The following POLDIP3 variants were observed in gnomAD, a reference collection of about 807,000 sequenced individuals.
POLDIP3 encodes DNA polymerase delta interacting protein 3, also known as polymerase delta-interacting protein 3.
Under a neutral mutation model 45.1 loss-of-function variants are expected in POLDIP3, and 14 were observed. The ratio of observed to expected loss-of-function variants is 0.31; its 90% CI spans 0.20 to 0.49. The LOEUF (loss-of-function observed/expected upper bound fraction) is 0.49. POLDIP3 is among the 20% of genes least tolerant of loss of function. The pLI is 0.99. For synonymous variants in POLDIP3, 223 were observed against 205.2 expected (o/e 1.09, Z -0.74); for missense variants, 511 against 538.8 (o/e 0.95, Z 0.51).
At chr22:42,587,638 G>A in intron 7 of POLDIP3, 66 bp from the exon 8 acceptor site, 3 of 1,441,042 alleles carry the variant, frequency 2.1e-6, no homozygotes, top group Admixed American at 1.7e-5. Flanking sequence ...AGAGGACAAG[G>A]GCTGTACCTC....
Position 42,608,720 on chromosome 22 carries a change from G to A in POLDIP3, c.60-5560C>T, listed in dbSNP as rs139781152. On this transcript the variant is annotated intron_variant, in intron 1 of 8. Coordinates refer to ENST00000252115, the MANE Select transcript of POLDIP3 (RefSeq NM_032311.5). Reference sequence around the variant, plus strand: ...TACCACAATGCCTGCCTGGCAGGAAGGACCACCAAGATGCTTTGTGCTGGC... The same window carrying A: ...TACCACAATGCCTGCCTGGCAGGAAAGACCACCAAGATGCTTTGTGCTGGC... Among the ~76,000 whole-genome samples, 1,050 of 152,168 alleles carry A rather than the reference G, an allele frequency of 6.9e-3. 12 individuals carry two copies. Among genetic ancestry groups the A allele is most frequent in the African/African-American group, 0.024 (1,014 of 41,530 alleles).
chr22:42,591,918 G>C (rs113297073), intron 7 of POLDIP3, 37 bp downstream of exon 7: 1 of 1,613,228 alleles, frequency 6.2e-7, no homozygotes, highest in Non-Finnish European at 8.5e-7. Flanking sequence ...GTAGAGATGA[G>C]TGGGAGGGTC....
chr22:42,613,981 G>A lies in POLDIP3; in HGVS notation c.59+818C>T, dbSNP rs150308198. ...TTAAGGGTCTAGGGGAAGTTTGGGAGACATGACTGCAAATCACCTCCATGG... is the reference window on the plus strand; with the variant it reads ...TTAAGGGTCTAGGGGAAGTTTGGGAAACATGACTGCAAATCACCTCCATGG... On this transcript the variant is annotated intron_variant, in intron 1 of 8. Coordinates refer to ENST00000252115, the MANE Select transcript of POLDIP3 (RefSeq NM_032311.5). 4.2e-3 allele frequency among the ~76,000 whole-genome samples: 636 copies of A among 152,292 alleles called. 3 individuals are homozygous for A. The highest frequency in any genetic ancestry group is 0.015 in the African/African-American group (619 of 41,556).
chr22:42,602,206 G>C (rs188308143), intron 2 of POLDIP3, 150 bp from the exon 3 acceptor site: 1 of 1,229,286 alleles, frequency 8.1e-7, no homozygotes, highest in African/African-American at 1.5e-5. Flanking sequence ...ACAGTAGGAA[G>C]TAACAGAAGA....
intron 2 of POLDIP3, 52 bp downstream of exon 2, chr22:42,602,718 T>C (rs1291537638): frequency 6.5e-7 from 1 of 1,539,300 alleles, no homozygotes; most frequent in Non-Finnish European, 8.7e-7. Context: ...TGCCTCTAAA[T>C]CTACCTTTGT....
intron 5 of POLDIP3, 57 bp downstream of exon 5, chr22:42,596,129 C>A: frequency 6.4e-7 from 1 of 1,555,500 alleles, no homozygotes; most frequent in Non-Finnish European, 8.8e-7. Context: ...CAATGAGGTA[C>A]ATATAAGCAT....
chr22:42,601,849 A>G (rs900398442), intron 3 of POLDIP3, 121 bp downstream of exon 3: 2 of 1,207,818 alleles, frequency 1.7e-6, no homozygotes, highest in Non-Finnish European at 2.3e-6. Flanking sequence ...CCAACTGGGA[A>G]CTACCAACTG....
intron 3 of POLDIP3, among the ~76,000 whole-genome samples, chr22:42,600,143 G>C (rs4822173): frequency 6.6e-6 from 1 of 152,084 alleles, no homozygotes; most frequent in South Asian, 2.1e-4. Context: ...CCTAGAAAGA[G>C]CTTTATTTAC....
At chr22:42,587,248 A>G (rs531725839) in intron 8 of POLDIP3, among the ~76,000 whole-genome samples, 3 of 152,304 alleles carry the variant, frequency 2.0e-5, no homozygotes, top group South Asian at 4.1e-4. Context: ...CTCCCCCTCC[A>G]ACTTCCACTC....
At position 42,587,330 on chromosome 22, in the gene POLDIP3, A is replaced by C. The variant is rs547240279; in HGVS notation, c.1088+176T>G. Reference sequence around the variant, plus strand: ...CCCTATAGGGTCAAGCCCTGGGGAAATAACAAAGCAAACCATTTTGGTCAA... The same window carrying C: ...CCCTATAGGGTCAAGCCCTGGGGAACTAACAAAGCAAACCATTTTGGTCAA... On this transcript the variant is annotated intron_variant, in intron 8 of 8. Coordinates refer to ENST00000252115, the MANE Select transcript of POLDIP3 (RefSeq NM_032311.5). 3.3e-5 allele frequency among the ~76,000 whole-genome samples: 5 copies of C among 152,344 alleles called. No homozygotes were observed. In the South Asian group the frequency reaches 1.0e-3, roughly 32 times the overall value.
rs113513063 is a variant in POLDIP3, at chr22:42,602,896, G to T, written c.324C>A (p.Pro108=). Residue 108 remains proline (P), a synonymous_variant, in exon 2 of 9, where the codon CCC becomes CCA. Transcript: ENST00000252115. The part of the protein sequence containing the change: ...LNSRKQQTTV[P]QKPRQVADAR... ...CATCAGCAACCTGGCGGGGCTTCTG[G>T]GGCACCGTGGTCTGCTGCTTGCGAG... is the stretch of plus-strand genomic sequence containing the variant. 0.01 allele frequency: 16,870 copies of T among 1,613,980 alleles called. 156 individuals are homozygous for T. Among genetic ancestry groups the T allele is most frequent in the Middle Eastern group, 0.02 (120 of 6,060 alleles).
At position 42,596,206 on chromosome 22, in the gene POLDIP3, T is replaced by TG. The variant is rs1452975548; in HGVS notation, c.792dup (p.Lys265GlnfsTer7). On this transcript the variant is annotated frameshift_variant, in exon 5 of 9. Transcript: ENST00000252115. LOFTEE classifies it high-confidence loss of function. ...CTCACCTCAGCAGCTGGCAGCTCTTTGGGGGGTTCTTCCTTGTTCACCAGT... is the reference window on the plus strand; with the variant it reads ...CTCACCTCAGCAGCTGGCAGCTCTTTGGGGGGGTTCTTCCTTGTTCACCAGT... 1 of 1,613,974 alleles carries TG rather than the reference T, an allele frequency of 6.2e-7. No individual in the cohort carries two copies. Among genetic ancestry groups the TG allele is most frequent in the African/African-American group, 1.3e-5 (1 of 74,916 alleles).
In POLDIP3 at chr22:42,584,863, G is replaced by A. The variant is rs748083755; in HGVS notation, c.*928C>T. On this transcript the variant is annotated 3_prime_UTR_variant, in exon 9 of 9. Transcript: ENST00000252115. ...AACTGAGGCCAGAAATGGAGAGCCA[G>A]GAACAAACTGACCTCTTCCATTCAA... 12 of 455,978 alleles carry A rather than the reference G, an allele frequency of 2.6e-5. No individual in the cohort carries two copies. Among genetic ancestry groups the A allele is most frequent in the Non-Finnish European group, 4.0e-5 (9 of 226,912 alleles). The allele number at this position is 455,978 out of a possible 1,614,324, so 28.2% of individuals were successfully genotyped here.
In POLDIP3 at chr22:42,587,554, T is replaced by C. The variant is rs200840342; in HGVS notation, c.1040A>G (p.Asn347Ser). 1.3e-4 allele frequency: 216 copies of C among 1,613,992 alleles called. 2 individuals carry two copies. The Middle Eastern group carries it at 5.1e-3, about 38-fold the overall frequency. The change falls in exon 8 of 9, where the codon AAC (asparagine) becomes AGC (serine). Residue 347 changes from asparagine (N) to serine (S), a missense_variant. Transcript: ENST00000252115. Reference protein sequence around the residue: ...RCLDGQPMKCNLHMNGNVITS... With the variant: ...RCLDGQPMKCSLHMNGNVITS... ...GATAACATTCCCATTCATGTGAAGGTTGCACTTCATCGGCTGCCCTGAAAA... is the reference window on the plus strand; with the variant it reads ...GATAACATTCCCATTCATGTGAAGGCTGCACTTCATCGGCTGCCCTGAAAA...
chr22:42,596,544 G>T (rs929540663), intron 4 of POLDIP3, among the ~76,000 whole-genome samples, 179 bp from the exon 5 acceptor site: 13 of 152,142 alleles, frequency 8.5e-5, no homozygotes, highest in Non-Finnish European at 1.6e-4. Context: ...TAGGGAAGGG[G>T]CAGGGGGAGA....
chr22:42,600,806 C>G (rs1449260358), intron 3 of POLDIP3, among the ~76,000 whole-genome samples: 1 of 151,962 alleles, frequency 6.6e-6, no homozygotes, highest in African/African-American at 2.4e-5. Flanking sequence ...ACCGTCTCTA[C>G]TAAAAATACA....
intron 7 of POLDIP3, among the ~76,000 whole-genome samples, chr22:42,589,990 A>AT (rs1925568932): frequency 6.6e-6 from 1 of 152,066 alleles, no homozygotes; most frequent in African/African-American, 2.4e-5. Flanking sequence ...GAAAATACAT[A>AT]TTTTCCTTAA....
chr22:42,602,160 C>T, intron 2 of POLDIP3, 104 bp from the exon 3 acceptor site: 1 of 1,577,490 alleles, frequency 6.3e-7, no homozygotes, highest in Non-Finnish European at 8.6e-7. Context: ...CAGCTTTGGT[C>T]TTTGGTAAAA....
chr22:42,606,189 C>G (rs1218092285), intron 1 of POLDIP3, among the ~76,000 whole-genome samples: 1 of 151,612 alleles, frequency 6.6e-6, no homozygotes, highest in Non-Finnish European at 1.5e-5. Flanking sequence ...GTATTACTCA[C>G]TACAGGTTGA....
Sources: gnomAD v4.1 joint callset for allele counts (sites outside exome capture counted in the v4.1 genomes callset) on GRCh38, gnomAD v4.1.1 for gene constraint, MANE v1.5 for transcripts, NCBI Gene and HGNC (gene_info 2026-07-23, HGNC 2026-07-21) for gene names.